Variants in AXDND1 observed in about 807,000 individuals in gnomAD.
AXDND1 encodes axonemal dynein light chain domain-containing protein 1.
In AXDND1, 110 loss-of-function variants were observed where a neutral mutation model predicts 137.5. The observed-to-expected ratio is 0.80, with a 90% confidence interval of 0.69 to 0.94. The LOEUF (loss-of-function observed/expected upper bound fraction) is 0.94. Ranked by LOEUF, AXDND1 falls within the 40% of genes least tolerant of loss-of-function variation. The pLI, the probability that AXDND1 is intolerant of heterozygous loss-of-function variation, is 0.00. For missense variants in AXDND1, 1,191 were observed against 1,169.8 expected, an observed-to-expected ratio of 1.02 and a Z score of -0.26; for synonymous variants, 414 against 399.7, an observed-to-expected ratio of 1.04 and a Z score of -0.43.
intron 16 of AXDND1, chr1:179,449,285 T>C (rs1660186790): frequency 3.1e-6 from 1 of 326,150 alleles, no homozygotes; most frequent in South Asian, 2.2e-5. Flanking sequence ...AAAATAACAT[T>C]CTTCCTCCAT....
intron 16 of AXDND1, among the ~76,000 whole-genome samples, chr1:179,464,385 A>G (rs1361735640): frequency 2.0e-5 from 3 of 152,060 alleles, no homozygotes; most frequent in Non-Finnish European, 2.9e-5. Context: ...GCTTAGTTTT[A>G]CTGGATATGA....
Position 179,507,573 on chromosome 1 carries a change from T to C in AXDND1, c.2389-1723T>C, listed in dbSNP as rs555100644. ...CACACTGGCTCACAAGAACCAATTA[T>C]ATACAAGCCTTCTCAAGTCCACATT... On this transcript the variant is annotated intron_variant, in intron 20 of 25. Coordinates refer to ENST00000367618, the MANE Select transcript of AXDND1 (RefSeq NM_144696.6). 2.6e-5 allele frequency among the ~76,000 whole-genome samples: 4 copies of C among 152,334 alleles called. No homozygotes were observed. In the South Asian group the frequency reaches 8.3e-4, roughly 32 times the overall value.
Position 179,483,311 on chromosome 1 carries a change from A to G in AXDND1, c.2091+90A>G, listed in dbSNP as rs917950498. 5 of 830,414 alleles carry G rather than the reference A, an allele frequency of 6.0e-6. No individual in the cohort carries two copies. In the South Asian group the frequency reaches 1.1e-4, roughly 17 times the overall value. The allele number at this position is 830,414 out of a possible 1,614,324, so 51.4% of individuals were successfully genotyped here. A position where few individuals can be genotyped will look rare whatever the true frequency, so the allele number is the denominator to read the frequency against. The stretch of plus-strand genomic sequence containing the variant: ...AATAATGCTCTCCCTATTTAAATGA[A>G]GCAGGAGGTTGAGAGGGCAAAATAG... On this transcript the variant is annotated intron_variant, in intron 18 of 25. Coordinates refer to ENST00000367618, the MANE Select transcript of AXDND1 (RefSeq NM_144696.6).
At chr1:179,537,031 T>C (rs1671621032) in intron 25 of AXDND1, among the ~76,000 whole-genome samples, 1 of 152,114 alleles carries the variant, frequency 6.6e-6, no homozygotes, top group African/African-American at 2.4e-5. Flanking sequence ...GTGTATAGCA[T>C]GGAATGCTTG....
intron 9 of AXDND1, among the ~76,000 whole-genome samples, chr1:179,385,621 T>C (rs1490983294): frequency 6.6e-6 from 1 of 152,174 alleles, no homozygotes; most frequent in Non-Finnish European, 1.5e-5. Context: ...GTTTTATAGT[T>C]TTGTTATACT....
At chr1:179,400,829 C>G (rs1412329403) in intron 11 of AXDND1, among the ~76,000 whole-genome samples, 1 of 143,624 alleles carries the variant, frequency 7.0e-6, no homozygotes, top group Non-Finnish European at 1.5e-5. Flanking sequence ...GGCGTGAACC[C>G]AGGAGGCAGA....
At chr1:179,473,003 AGATATTATT>A (rs1664151730) in intron 17 of AXDND1, among the ~76,000 whole-genome samples, 1 of 151,922 alleles carries the variant, frequency 6.6e-6, no homozygotes, top group Admixed American at 6.6e-5. Context: ...TTACCTTTAA[AGATATTATT>A]GACATGGTTG....
At chr1:179,367,039 G>T (rs1667496372) in intron 2 of AXDND1, among the ~76,000 whole-genome samples, 1 of 151,854 alleles carries the variant, frequency 6.6e-6, no homozygotes, top group Admixed American at 6.6e-5. Context: ...GGCCAAATAT[G>T]ATGAAATCCC....
intron 21 of AXDND1, among the ~76,000 whole-genome samples, chr1:179,511,367 A>G (rs558048041): frequency 6.7e-6 from 1 of 149,188 alleles, no homozygotes; most frequent in South Asian, 2.1e-4. Context: ...ATATGGTATA[A>G]TATATACATA....
intron 21 of AXDND1, among the ~76,000 whole-genome samples, chr1:179,510,449 C>CTT (rs5779030): frequency 1.3e-4 from 20 of 151,398 alleles, no homozygotes; most frequent in South Asian, 2.1e-4. Flanking sequence ...ATTTATGAAA[C>CTT]TTTTTTTTTA....
intron 12 of AXDND1, among the ~76,000 whole-genome samples, chr1:179,427,127 G>A (rs1458704273): frequency 6.6e-6 from 1 of 152,132 alleles, no homozygotes; most frequent in Non-Finnish European, 1.5e-5. Context: ...TCATGCCACT[G>A]CACTCCAGCC....
intron 25 of AXDND1, among the ~76,000 whole-genome samples, chr1:179,540,570 G>T (rs1182042757): frequency 6.6e-6 from 1 of 152,164 alleles, no homozygotes; most frequent in Non-Finnish European, 1.5e-5. Flanking sequence ...TGGAAGCTTC[G>T]TCCCAGAGGG....
chr1:179,377,964 T>A (rs527953990), intron 4 of AXDND1, among the ~76,000 whole-genome samples: 1 of 151,478 alleles, frequency 6.6e-6, no homozygotes, highest in Non-Finnish European at 1.5e-5. Context: ...AGGCCAGGAG[T>A]TTGAGACCAG....
intron 20 of AXDND1, among the ~76,000 whole-genome samples, chr1:179,494,468 G>GT (rs1021427489): frequency 4.7e-5 from 7 of 148,294 alleles, no homozygotes; most frequent in East Asian, 2.0e-4. Context: ...TTAGACAGCT[G>GT]TTTTTTTTCT....
intron 9 of AXDND1, among the ~76,000 whole-genome samples, chr1:179,385,837 C>T (rs1368340610): frequency 6.6e-6 from 1 of 152,096 alleles, no homozygotes; most frequent in Non-Finnish European, 1.5e-5. Context: ...TAGGGGTTGT[C>T]CCTGGTTGTT....
At chr1:179,492,326 T>C (rs1666999459) in intron 19 of AXDND1, among the ~76,000 whole-genome samples, 2 of 152,080 alleles carry the variant, frequency 1.3e-5, no homozygotes, top group African/African-American at 2.4e-5. Context: ...CTGCCCACCT[T>C]GGCCTCCCAA....
chr1:179,484,316 G>T (rs976871671), intron 18 of AXDND1, among the ~76,000 whole-genome samples: 3 of 152,140 alleles, frequency 2.0e-5, no homozygotes, highest in Admixed American at 1.3e-4. Context: ...AGCACAGTCA[G>T]GGGTGCCTAT....
Position 179,554,534 on chromosome 1 carries a change from G to A in AXDND1, c.*15G>A, listed in dbSNP as rs1383739910. The A allele has an allele frequency of 4.3e-6, 7 of 1,614,162 alleles. No homozygotes were observed. The highest frequency in any genetic ancestry group is 5.1e-6 in the Non-Finnish European group (6 of 1,180,012). On this transcript the variant is annotated 3_prime_UTR_variant, in exon 26 of 26. Coordinates refer to ENST00000367618, the MANE Select transcript of AXDND1 (RefSeq NM_144696.6). Reference sequence around the variant, plus strand: ...CAGGTCACTGAATCCAAGGCAACCTGTGGAAAGAAGAATTCAGATGTCAGT... The same window carrying A: ...CAGGTCACTGAATCCAAGGCAACCTATGGAAAGAAGAATTCAGATGTCAGT...
At chr1:179,524,834 A>G (rs765069535) in intron 21 of AXDND1, among the ~76,000 whole-genome samples, 19 of 152,206 alleles carry the variant, frequency 1.2e-4, no homozygotes, top group Non-Finnish European at 2.8e-4. Flanking sequence ...AAGCAAATCA[A>G]CCAATTTATT....
Sources: allele counts gnomAD v4.1 joint callset (sites outside exome capture counted in the v4.1 genomes callset), GRCh38; gene constraint gnomAD v4.1.1; transcripts MANE v1.5; gene names NCBI Gene and HGNC (gene_info 2026-07-23, HGNC 2026-07-21).